Variants in GALNT16 observed in about 807,000 individuals in gnomAD.
The protein encoded by GALNT16 is UDP-GalNAc:polypeptide N-acetylgalactosaminyltransferase-like protein 1.
Under a neutral mutation model 76.1 loss-of-function variants are expected in GALNT16, and 40 were observed. The ratio of observed to expected loss-of-function variants is 0.53; its 90% CI spans 0.41 to 0.68. GALNT16 has a LOEUF of 0.68. Ranked by LOEUF, GALNT16 falls within the 30% of genes least tolerant of loss-of-function variation. GALNT16 has a pLI of 0.00. For missense variants in GALNT16, 621 were observed against 731.9 expected (o/e 0.85, Z 1.75); for synonymous variants, 276 against 285.2 (o/e 0.97, Z 0.32).
At chr14:69,328,308 C>A in intron 5 of GALNT16, 142 bp from the exon 6 acceptor site, 1 of 833,478 alleles carries the variant, frequency 1.2e-6, no homozygotes, top group Non-Finnish European at 1.9e-6. Context: ...AGGAAACAAG[C>A]AGAAGTATAA....
At chr14:69,288,578 A>T (rs1000784176) in intron 1 of GALNT16, among the ~76,000 whole-genome samples, 5 of 152,206 alleles carry the variant, frequency 3.3e-5, no homozygotes, top group African/African-American at 9.6e-5. Flanking sequence ...CCGAGCACCT[A>T]GCCAGGCCTG....
At chr14:69,289,481 G>T (rs191446567) in intron 1 of GALNT16, among the ~76,000 whole-genome samples, 2 of 152,144 alleles carry the variant, frequency 1.3e-5, no homozygotes, top group Non-Finnish European at 2.9e-5. Context: ...CTGGCCTCAG[G>T]CCTAAGGCTT....
intron 6 of GALNT16, among the ~76,000 whole-genome samples, chr14:69,329,408 A>G (rs143544968): frequency 3.2e-4 from 48 of 152,314 alleles, no homozygotes; most frequent in African/African-American, 1.1e-3. Flanking sequence ...CAAGGAAGAT[A>G]TAGAAATGGC....
intron 1 of GALNT16, among the ~76,000 whole-genome samples, chr14:69,309,260 C>T (rs1287409101): frequency 1.3e-5 from 2 of 151,604 alleles, no homozygotes; most frequent in East Asian, 3.9e-4. Context: ...AGATGTGCCA[C>T]CTACGTTTCA....
At chr14:69,385,100 A>C in the GALNT16 span, among the ~76,000 whole-genome samples, 1 of 152,282 alleles carries the variant, frequency 6.6e-6, no homozygotes, top group East Asian at 1.9e-4. Flanking sequence ...CTACACCCCC[A>C]ATTAAAGCTC....
intron 1 of GALNT16, among the ~76,000 whole-genome samples, chr14:69,306,076 A>G (rs949513458): frequency 6.6e-6 from 1 of 152,126 alleles, no homozygotes; most frequent in Non-Finnish European, 1.5e-5. Flanking sequence ...TTGACCATAT[A>G]TGGATGGGTT....
intron 2 of GALNT16, among the ~76,000 whole-genome samples, chr14:69,321,393 C>A (rs756838887): frequency 6.6e-6 from 1 of 152,228 alleles, no homozygotes; most frequent in East Asian, 1.9e-4. Flanking sequence ...CCTCCACTCT[C>A]ATCCCAGCTC....
chr14:69,300,564 T>G (rs546287901), intron 1 of GALNT16, among the ~76,000 whole-genome samples: 25 of 152,332 alleles, frequency 1.6e-4, no homozygotes, highest in African/African-American at 5.5e-4. Flanking sequence ...GTTTTAAATA[T>G]TGATTTGAGT....
rs192158208 is a variant in GALNT16, at chr14:69,322,472, G to A, written c.335+1604G>A. Among the ~76,000 whole-genome samples the A allele has an allele frequency of 6.5e-4, 99 of 152,340 alleles. 1 individual carries two copies. In the East Asian group the frequency reaches 0.019, roughly 29 times the overall value. On this transcript the variant is annotated intron_variant, in intron 2 of 14. Transcript: ENST00000448469. ...CTTACCTGACTCTGAACCGCCTCAG[G>A]TGCTCACTGAGAAACTTAAAGGGGG...
Position 69,303,389 on chromosome 14 carries a change from A to T in GALNT16, c.178-17322A>T, listed in dbSNP as rs533721810. Among the ~76,000 whole-genome samples, 16 of 152,232 alleles carry T rather than the reference A, an allele frequency of 1.1e-4. No individual in the cohort carries two copies. In the South Asian group the frequency reaches 3.3e-3, roughly 32 times the overall value. ...AGGGCTGATAAGAAATAGGGTAGAG[A>T]TGGCAGAGACTTCACCCAGGGAAAG... On this transcript the variant is annotated intron_variant, in intron 1 of 14. Coordinates refer to ENST00000448469, the MANE Select transcript of GALNT16 (RefSeq NM_001168368.2).
intron 1 of GALNT16, among the ~76,000 whole-genome samples, chr14:69,294,686 T>C (rs2044731439): frequency 6.6e-6 from 1 of 152,180 alleles, no homozygotes; most frequent in Non-Finnish European, 1.5e-5. Context: ...ACATTTTATA[T>C]CAATGGAACC....
At chr14:69,269,084 T>G (rs891514046) in intron 1 of GALNT16, among the ~76,000 whole-genome samples, 9 of 152,262 alleles carry the variant, frequency 5.9e-5, no homozygotes, top group African/African-American at 1.9e-4. Context: ...CAGAACATTT[T>G]CCAGCAAGAT....
At chr14:69,350,557 A>G (rs921732442) in intron 14 of GALNT16, 1 of 152,312 alleles carries the variant, frequency 6.6e-6, no homozygotes, top group African/African-American at 2.4e-5. Flanking sequence ...GTGGGCCCAG[A>G]GAGGCTGGGT....
In GALNT16 at chr14:69,352,158, C is replaced by T. The variant is rs746434064; in HGVS notation, c.1667C>T (p.Pro556Leu). 1 of 1,611,098 alleles carries T rather than the reference C, an allele frequency of 6.2e-7. No individual in the cohort carries two copies. Among genetic ancestry groups the T allele is most frequent in the Admixed American group, 1.7e-5 (1 of 59,512 alleles). The change falls in exon 15 of 15, where the codon CCA (proline) becomes CTA (leucine). Residue 556 changes from proline (P) to leucine (L), a missense_variant. By Grantham distance (98) the Pro-to-Leu change is moderately conservative (BLOSUM62 -3). Coordinates refer to ENST00000448469, the MANE Select transcript of GALNT16 (RefSeq NM_001168368.2). ...CAGGCCCAGCAGTGGCAGCTGTTGCCACACACATGACGGTAGCCCTGGGGC... is the reference window on the plus strand; with the variant it reads ...CAGGCCCAGCAGTGGCAGCTGTTGCTACACACATGACGGTAGCCCTGGGGC... ...DAQAQQWQLL[P>L]HT
chr14:69,365,102 C>T, the GALNT16 span, among the ~76,000 whole-genome samples: 4 of 152,038 alleles, frequency 2.6e-5, no homozygotes, highest in African/African-American at 9.7e-5. Flanking sequence ...CTTTATGTCC[C>T]CTTAAATATA....
chr14:69,290,659 A>G (rs1016133475), intron 1 of GALNT16, among the ~76,000 whole-genome samples: 1 of 152,252 alleles, frequency 6.6e-6, no homozygotes, highest in Non-Finnish European at 1.5e-5. Context: ...AGTGCCTCCC[A>G]GAATTCAGAC....
At chr14:69,320,477 G>T (rs1030367577) in intron 1 of GALNT16, among the ~76,000 whole-genome samples, 2 of 148,160 alleles carry the variant, frequency 1.3e-5, no homozygotes, top group African/African-American at 5.0e-5. Context: ...GACAGAATAA[G>T]ACCCTGTGTC....
downstream of GALNT16, chr14:69,357,353 C>T (rs917866602): frequency 7.4e-4 from 113 of 152,272 alleles, 1 homozygote; most frequent in African/African-American, 2.6e-3. Context: ...ACTGGCCACA[C>T]TAGCAGAGAT....
chr14:69,333,352 G>C lies in GALNT16; in HGVS notation c.864-145G>C. The C allele has an allele frequency of 5.7e-6, 4 of 706,918 alleles. No homozygotes were observed. The highest frequency in any genetic ancestry group is 1.0e-5 in the Non-Finnish European group (4 of 398,944). 43.8% of individuals were successfully genotyped at this position (706,918 alleles called of 1,614,324 possible). ...CAGAGGCCACGGGAACAGATGTGGG[G>C]GGCCAGGGAGCTGGCCAGACATCCT... On this transcript the variant is annotated intron_variant, in intron 8 of 14. Coordinates refer to ENST00000448469, the MANE Select transcript of GALNT16 (RefSeq NM_001168368.2). The surrounding 1 kb of genome is among the most constrained non-coding windows in gnomAD (Gnocchi z 4.2).
Sources: allele counts gnomAD v4.1 joint callset (sites outside exome capture counted in the v4.1 genomes callset), GRCh38; gene constraint gnomAD v4.1.1; non-coding constraint Gnocchi (gnomAD v3.1); transcripts MANE v1.5; gene names NCBI Gene and HGNC (gene_info 2026-07-23, HGNC 2026-07-21).